MINAR1: variants seen among roughly 807,000 people sequenced by gnomAD.
MINAR1 encodes the protein major intrinsically disordered Notch2-binding receptor 1.
In MINAR1, 40 loss-of-function variants were observed where a neutral mutation model predicts 65.1. The ratio of observed to expected loss-of-function variants is 0.61; its 90% CI spans 0.48 to 0.80. The LOEUF (loss-of-function observed/expected upper bound fraction) is 0.80, where lower values mean the gene tolerates loss of function less well. Among genes scored for constraint, MINAR1 ranks in the 30% least tolerant of loss-of-function variants. The probability of loss-of-function intolerance (pLI) is 0.00; values close to 1 mark genes in which losing one functional copy is unlikely to be tolerated. For synonymous variants in MINAR1, 482 were observed against 449.1 expected (o/e 1.07, Z -0.93); for missense variants, 1,128 against 1,148.0 (o/e 0.98, Z 0.25).
intron 1 of MINAR1, among the ~76,000 whole-genome samples, chr15:79,442,454 A>G (rs1233916049): frequency 2.0e-5 from 3 of 152,086 alleles, no homozygotes; most frequent in Non-Finnish European, 4.4e-5. Context: ...TCAAATTATA[A>G]TAGGAACTTT....
At chr15:79,433,683 T>G (rs1305338349) in intron 1 of MINAR1, among the ~76,000 whole-genome samples, 1 of 152,162 alleles carries the variant, frequency 6.6e-6, no homozygotes, top group African/African-American at 2.4e-5. Context: ...TTATGCATCC[T>G]TTATTCCAGC....
chr15:79,413,685 C>G, the MINAR1 span: 1 of 152,168 alleles, frequency 6.6e-6, no homozygotes, highest in South Asian at 2.1e-4. Flanking sequence ...AGCTCTTGTT[C>G]AAGCAGGAAC....
At chr15:79,462,708 G>T (rs1895691526) in intron 2 of MINAR1, among the ~76,000 whole-genome samples, 1 of 152,218 alleles carries the variant, frequency 6.6e-6, no homozygotes, top group Admixed American at 6.5e-5. Flanking sequence ...CAGATGATCA[G>T]GTTTAAATCC....
intron 1 of MINAR1, among the ~76,000 whole-genome samples, chr15:79,454,223 T>C (rs1895336436): frequency 6.6e-6 from 1 of 152,204 alleles, no homozygotes; most frequent in South Asian, 2.1e-4. Context: ...TTTGTTTCCT[T>C]TTCCTTGCAA....
chr15:79,464,910 G>A (rs369243239), intron 3 of MINAR1, among the ~76,000 whole-genome samples: 11 of 144,214 alleles, frequency 7.6e-5, no homozygotes, highest in African/African-American at 2.4e-4. Context: ...TCCCTCCGGT[G>A]GAATATTTCA....
chr15:79,443,201 T>C (rs1894920273), intron 1 of MINAR1, among the ~76,000 whole-genome samples: 1 of 152,196 alleles, frequency 6.6e-6, no homozygotes, highest in Non-Finnish European at 1.5e-5. Flanking sequence ...TGTATCAAAA[T>C]GGTGAGGTGA....
chr15:79,456,898 C>G lies in MINAR1; in HGVS notation c.751C>G (p.Gln251Glu), dbSNP rs1341643937. The part of the protein sequence containing the change: ...FISNEEPFVV[Q>E]SCVQKRNIFK... ...TTCCAATGAGGAGCCATTTGTGGTC[C>G]AGTCCTGTGTCCAGAAAAGGAATAT... Residue 251 changes from glutamine (Q) to glutamate (E), a missense_variant, in exon 2 of 4, where the codon CAG becomes GAG. Physicochemically the swap from Gln to Glu is conservative, Grantham distance 29 (BLOSUM62 2). Transcript: ENST00000305428. 3 of 1,614,112 alleles carry G rather than the reference C, an allele frequency of 1.9e-6. No individual in the cohort carries two copies. The highest frequency in any genetic ancestry group is 3.3e-5 in the Admixed American group (2 of 60,024).
In MINAR1 at chr15:79,445,553, T is replaced by TA. The variant is rs1555427884; in HGVS notation, c.-50-10545_-50-10544insA. ...TTTAAATCTTTCTGTGACAGTTATT[T>TA]TTTTTTTTTTTTGAGACGGAGTTTT... On this transcript the variant is annotated intron_variant, in intron 1 of 3. Coordinates refer to ENST00000305428, the MANE Select transcript of MINAR1 (RefSeq NM_015206.3). Among the ~76,000 whole-genome samples the TA allele has an allele frequency of 8.7e-3, 1,315 of 150,930 alleles. 41 individuals are homozygous for TA. The East Asian group carries it at 0.11, about 12-fold the overall frequency.
chr15:79,440,756 A>G (rs1308947578), intron 1 of MINAR1, among the ~76,000 whole-genome samples: 1 of 152,046 alleles, frequency 6.6e-6, no homozygotes, highest in African/African-American at 2.4e-5. Flanking sequence ...GCCTCCTCTG[A>G]CCATCTTGTT....
chr15:79,452,715 G>GGTGTGTGGGT (rs143037083), intron 1 of MINAR1, among the ~76,000 whole-genome samples: 2 of 117,172 alleles, frequency 1.7e-5, no homozygotes, highest in Admixed American at 1.5e-4. Flanking sequence ...TGAGTGTGTG[G>GGTGTGTGGGT]GTGTGGGTGA....
the MINAR1 span, chr15:79,412,905 C>G: frequency 6.6e-6 from 1 of 152,280 alleles, no homozygotes; most frequent in Non-Finnish European, 1.5e-5. Flanking sequence ...GAAGTTGGGC[C>G]TGATACCAAT....
chr15:79,467,782 CA>C (rs1166200127), intron 3 of MINAR1, among the ~76,000 whole-genome samples: 3 of 152,208 alleles, frequency 2.0e-5, no homozygotes, highest in African/African-American at 7.2e-5. Context: ...TTGTTTCAAG[CA>C]GATCTGTTCT....
rs1896105094 is a variant in MINAR1 at position 79,472,033 on chromosome 15, G to A, written c.*3649G>A. 6.6e-6 allele frequency: 1 copy of A among 152,550 alleles called. No individual in the cohort carries two copies. Among genetic ancestry groups the A allele is most frequent in the Non-Finnish European group, 1.5e-5 (1 of 68,022 alleles). The allele number at this position is 152,550 out of a possible 1,614,324, so 9.4% of individuals were successfully genotyped here. On this transcript the variant is annotated 3_prime_UTR_variant, in exon 4 of 4. Coordinates refer to ENST00000305428, the MANE Select transcript of MINAR1 (RefSeq NM_015206.3). ...CCTTATGAATAAAAGAGTGTGGAAT[G>A]TAAGGTGAAATTTTATGTGCAAGAT...
At position 79,467,361 on chromosome 15, in the gene MINAR1, C is replaced by T. The variant is rs561597795; in HGVS notation, c.2554-826C>T. Among the ~76,000 whole-genome samples the T allele has an allele frequency of 3.3e-5, 5 of 152,322 alleles. No homozygotes were observed. The South Asian group carries it at 8.3e-4, about 25-fold the overall frequency. ...TGTGCTGTTGCTTTTATGTGACACT[C>T]ATATTATTAAATGCTTGCCATAAAA... is the stretch of plus-strand genomic sequence containing the variant. On this transcript the variant is annotated intron_variant, in intron 3 of 3. Coordinates refer to ENST00000305428, the MANE Select transcript of MINAR1 (RefSeq NM_015206.3).
At chr15:79,460,523 G>A (rs945732251) in intron 2 of MINAR1, among the ~76,000 whole-genome samples, 2 of 152,128 alleles carry the variant, frequency 1.3e-5, no homozygotes, top group African/African-American at 2.4e-5. Context: ...GCCTTCTGTC[G>A]TGTCTTTTGC....
chr15:79,420,766 G>A, the MINAR1 span: 1 of 152,262 alleles, frequency 6.6e-6, no homozygotes, highest in Non-Finnish European at 1.5e-5. Flanking sequence ...GGCCTACAGG[G>A]TGTGGTCACT....
intron 1 of MINAR1, among the ~76,000 whole-genome samples, chr15:79,434,714 T>G (rs1168510014): frequency 2.0e-5 from 3 of 152,240 alleles, no homozygotes. Context: ...CATTCAAATC[T>G]TTGTTTTTGG....
chr15:79,452,534 G>A lies in MINAR1; in HGVS notation c.-50-3564G>A, dbSNP rs76904501. Among the ~76,000 whole-genome samples the A allele has an allele frequency of 1.9e-3, 155 of 83,598 alleles. 2 individuals carry two copies. In the East Asian group the frequency reaches 0.047, roughly 25 times the overall value. The allele number at this position is 83,598 out of a possible 152,430, so 54.8% of individuals were successfully genotyped here. ...TGAATGTATGGGTATGACTGGGTGA[G>A]TGTGTGGGTGTGTGTGGGTGAGTCT... is the stretch of plus-strand genomic sequence containing the variant. On this transcript the variant is annotated intron_variant, in intron 1 of 3. Transcript: ENST00000305428.
intron 1 of MINAR1, among the ~76,000 whole-genome samples, chr15:79,453,070 C>T (rs1895289468): frequency 6.6e-6 from 1 of 151,678 alleles, no homozygotes; most frequent in Middle Eastern, 3.2e-3. Context: ...CTGACCAGAT[C>T]CGGCTTCAGA....
Sources: gnomAD v4.1 joint callset for allele counts (sites outside exome capture counted in the v4.1 genomes callset) on GRCh38, gnomAD v4.1.1 for gene constraint, MANE v1.5 for transcripts, NCBI Gene and HGNC (gene_info 2026-07-23, HGNC 2026-07-21) for gene names.